SH3RF1: variants seen among roughly 807,000 people sequenced by gnomAD.
SH3RF1 encodes the protein SH3 domain containing ring finger 1.
Under a neutral mutation model 74.0 loss-of-function variants are expected in SH3RF1, and 32 were observed. That is an observed-to-expected ratio of 0.43 (90% CI 0.33 to 0.58). The LOEUF (loss-of-function observed/expected upper bound fraction) is 0.58. Among genes scored for constraint, SH3RF1 ranks in the 20% least tolerant of loss-of-function variants. SH3RF1 has a pLI of 0.05. For missense variants in SH3RF1, 954 were observed against 1,130.9 expected (o/e 0.84, Z 2.24); for synonymous variants, 396 against 439.6 (o/e 0.90, Z 1.24).
chr4:169,174,262 A>G (rs1246845676), intron 2 of SH3RF1, among the ~76,000 whole-genome samples: 1 of 152,056 alleles, frequency 6.6e-6, no homozygotes, highest in Non-Finnish European at 1.5e-5. Flanking sequence ...GGGTCTCTCT[A>G]TGTTGCCTAG....
At chr4:169,107,337 T>C (rs1733163518) in intron 10 of SH3RF1, 132 bp from the exon 11 acceptor site, 3 of 644,820 alleles carry the variant, frequency 4.7e-6, no homozygotes, top group Non-Finnish European at 7.4e-6. Flanking sequence ...AGTAGGTATA[T>C]GGGGCCTTAT....
chr4:169,169,140 A>G (rs1734288219), intron 2 of SH3RF1, among the ~76,000 whole-genome samples: 1 of 152,190 alleles, frequency 6.6e-6, no homozygotes, highest in African/African-American at 2.4e-5. Context: ...GCATTCTTCT[A>G]GTCAATTAAA....
chr4:169,255,807 GC>G lies in SH3RF1; in HGVS notation c.393+13012del, dbSNP rs556077333. ...TTTGAGTCAAGAGTCTCGTTCTGTTGCCCAGGCTAGAGTGCAGTGGCGTGAT... is the reference window on the plus strand; with the variant it reads ...TTTGAGTCAAGAGTCTCGTTCTGTTGCCAGGCTAGAGTGCAGTGGCGTGAT... On this transcript the variant is annotated intron_variant, in intron 2 of 11. Coordinates refer to ENST00000284637, the MANE Select transcript of SH3RF1 (RefSeq NM_020870.4). Among the ~76,000 whole-genome samples, 57 of 150,614 alleles carry G rather than the reference GC, an allele frequency of 3.8e-4. 1 individual carries two copies. Among genetic ancestry groups the G allele is most frequent in the African/African-American group, 1.3e-3 (53 of 40,952 alleles).
At chr4:169,197,751 A>G (rs1734840810) in intron 2 of SH3RF1, among the ~76,000 whole-genome samples, 2 of 151,984 alleles carry the variant, frequency 1.3e-5, no homozygotes, top group Non-Finnish European at 1.5e-5. Flanking sequence ...TTTTTTTTAT[A>G]AAATCACAAA....
intron 2 of SH3RF1, among the ~76,000 whole-genome samples, chr4:169,173,978 C>T (rs543081154): frequency 6.8e-4 from 100 of 146,046 alleles, no homozygotes; most frequent in Non-Finnish European, 1.2e-3. Context: ...AATGCTAGTT[C>T]TTCAATTGTA....
intron 2 of SH3RF1, among the ~76,000 whole-genome samples, chr4:169,206,818 A>G (rs934416244): frequency 6.6e-6 from 1 of 152,226 alleles, no homozygotes; most frequent in Admixed American, 6.5e-5. Flanking sequence ...TCAATGACAA[A>G]ATGAATAGAG....
At chr4:169,221,065 A>G (rs1730557937) in intron 2 of SH3RF1, among the ~76,000 whole-genome samples, 1 of 152,240 alleles carries the variant, frequency 6.6e-6, no homozygotes. Flanking sequence ...CAAGTAGTTA[A>G]TCAGAAATGA....
intron 2 of SH3RF1, among the ~76,000 whole-genome samples, chr4:169,220,844 G>C (rs964240241): frequency 3.3e-5 from 5 of 152,184 alleles, no homozygotes; most frequent in Admixed American, 2.6e-4. Context: ...CATTGTATTA[G>C]GTTAGTATTT....
chr4:169,185,192 T>G (rs1385337629), intron 2 of SH3RF1, among the ~76,000 whole-genome samples: 1 of 152,188 alleles, frequency 6.6e-6, no homozygotes, highest in Non-Finnish European at 1.5e-5. Flanking sequence ...CCAAGCACTG[T>G]GCTAAACATT....
chr4:169,127,072 C>CT (rs1380004829), intron 6 of SH3RF1, among the ~76,000 whole-genome samples: 2 of 152,138 alleles, frequency 1.3e-5, no homozygotes, highest in Admixed American at 1.3e-4. Context: ...AGATACGAGA[C>CT]TAAGATCTTC....
At chr4:169,121,655 T>G (rs1025481267) in intron 7 of SH3RF1, among the ~76,000 whole-genome samples, 1 of 152,194 alleles carries the variant, frequency 6.6e-6, no homozygotes, top group Non-Finnish European at 1.5e-5. Flanking sequence ...AATTACACAA[T>G]GCAGGATCCA....
chr4:169,102,545 C>G (rs947473036), intron 11 of SH3RF1, among the ~76,000 whole-genome samples: 1 of 151,868 alleles, frequency 6.6e-6, no homozygotes, highest in African/African-American at 2.4e-5. Context: ...GGAAGAAAAA[C>G]CTGTCATATA....
chr4:169,224,845 GA>G (rs897565085), intron 2 of SH3RF1, among the ~76,000 whole-genome samples: 1 of 152,208 alleles, frequency 6.6e-6, no homozygotes, highest in Non-Finnish European at 1.5e-5. Flanking sequence ...GCAGAGTATT[GA>G]AGAGGGGAAG....
chr4:169,149,924 C>T (rs1000359423), intron 4 of SH3RF1, among the ~76,000 whole-genome samples: 3 of 152,148 alleles, frequency 2.0e-5, no homozygotes, highest in African/African-American at 7.2e-5. Flanking sequence ...CAGGGGTCAC[C>T]TTGGCAACTT....
At chr4:169,250,756 G>A (rs1346768799) in intron 2 of SH3RF1, among the ~76,000 whole-genome samples, 1 of 152,144 alleles carries the variant, frequency 6.6e-6, no homozygotes, top group Non-Finnish European at 1.5e-5. Context: ...TAAGTGCCAT[G>A]AAGAAAAACA....
intron 2 of SH3RF1, among the ~76,000 whole-genome samples, chr4:169,179,370 T>C (rs777993773): frequency 9.2e-5 from 14 of 152,230 alleles, no homozygotes; most frequent in Admixed American, 3.3e-4. Context: ...CAGGGAGACC[T>C]GTGTTAGACT....
intron 2 of SH3RF1, among the ~76,000 whole-genome samples, chr4:169,244,371 CAGTA>C (rs1365850156): frequency 4.0e-5 from 6 of 151,538 alleles, no homozygotes; most frequent in Non-Finnish European, 8.8e-5. Flanking sequence ...AGTGCTGATT[CAGTA>C]AGTACTTCCT....
intron 2 of SH3RF1, among the ~76,000 whole-genome samples, chr4:169,180,259 G>GA (rs34410323): frequency 0.47 from 71,515 of 152,062 alleles, 18,113 homozygotes; most frequent in East Asian, 0.78. Context: ...GTATAGAAAA[G>GA]AAAAGAAGAG....
At chr4:169,260,310 G>A (rs536886653) in intron 2 of SH3RF1, among the ~76,000 whole-genome samples, 2 of 152,326 alleles carry the variant, frequency 1.3e-5, no homozygotes, top group African/African-American at 4.8e-5. Flanking sequence ...ACAACCCAGA[G>A]AAGCAGTTTT....
Sources: allele counts gnomAD v4.1 joint callset (sites outside exome capture counted in the v4.1 genomes callset), GRCh38; gene constraint gnomAD v4.1.1; transcripts MANE v1.5; gene names NCBI Gene and HGNC (gene_info 2026-07-23, HGNC 2026-07-21).